RBFOX1: variants seen among roughly 807,000 people sequenced by gnomAD.
RBFOX1 encodes RNA binding fox-1 homolog 1.
RBFOX1 carries 8 observed loss-of-function variants against 57.7 expected under a neutral mutation model. That is an observed-to-expected ratio of 0.14 (90% confidence interval 0.08 to 0.25). RBFOX1 has a LOEUF of 0.25. RBFOX1 is among the 10% of genes least tolerant of loss of function. The pLI is 1.00. For missense variants in RBFOX1, 611 were observed against 548.5 expected (o/e 1.11, Z -1.14); for synonymous variants, 326 against 222.4 (o/e 1.47, Z -4.15).
At chr16:6,197,983 T>G (rs1370346466) in intron 1 of RBFOX1, among the ~76,000 whole-genome samples, 1 of 152,222 alleles carries the variant, frequency 6.6e-6, no homozygotes, top group Non-Finnish European at 1.5e-5. Flanking sequence ...ATGCTTTCAT[T>G]TGTGGCTTTT....
At chr16:6,762,693 A>G (rs767038850) in intron 3 of RBFOX1, among the ~76,000 whole-genome samples, 1 of 152,182 alleles carries the variant, frequency 6.6e-6, no homozygotes, top group Non-Finnish European at 1.5e-5. Flanking sequence ...TTTGGGCCCC[A>G]GTGATTTGCT....
At chr16:7,158,279 G>T (rs896808853) in intron 4 of RBFOX1, among the ~76,000 whole-genome samples, 1 of 152,124 alleles carries the variant, frequency 6.6e-6, no homozygotes, top group Non-Finnish European at 1.5e-5. Context: ...CTGGAAGGCG[G>T]AGGTTGCAGT....
chr16:5,688,777 C>T (rs2050580038), intron 3 of RBFOX1, among the ~76,000 whole-genome samples: 1 of 152,210 alleles, frequency 6.6e-6, no homozygotes, highest in African/African-American at 2.4e-5. Context: ...AATGTCAGGG[C>T]ATTCCAAGTA....
intron 3 of RBFOX1, among the ~76,000 whole-genome samples, chr16:6,683,915 A>G (rs57920607): frequency 2.6e-5 from 4 of 152,190 alleles, no homozygotes; most frequent in South Asian, 2.1e-4. Flanking sequence ...GGGAGATCGC[A>G]TATGTGAAAA....
At chr16:5,402,211 C>T (rs1423255935) in intron 1 of RBFOX1, among the ~76,000 whole-genome samples, 2 of 152,118 alleles carry the variant, frequency 1.3e-5, no homozygotes, top group East Asian at 3.9e-4. Context: ...TTGGCTAAGA[C>T]ACCCCAGCGT....
At chr16:6,368,570 C>T (rs555416399) in intron 2 of RBFOX1, among the ~76,000 whole-genome samples, 6 of 152,212 alleles carry the variant, frequency 3.9e-5, no homozygotes, top group Non-Finnish European at 7.3e-5. Context: ...AATTCTTCTG[C>T]TCTATGATCT....
At chr16:7,586,804 G>T (rs535767959) in intron 6 of RBFOX1, among the ~76,000 whole-genome samples, 1 of 152,280 alleles carries the variant, frequency 6.6e-6, no homozygotes, top group East Asian at 1.9e-4. Context: ...GCTGCTCCTA[G>T]ATTTTATGTG....
intron 4 of RBFOX1, among the ~76,000 whole-genome samples, chr16:7,238,327 T>TAA (rs71147675): frequency 6.9e-5 from 9 of 131,230 alleles, no homozygotes; most frequent in African/African-American, 3.2e-4. Flanking sequence ...CTTAAAATGG[T>TAA]AAAAAAAAAA....
chr16:7,141,938 T>C (rs2073891478), intron 4 of RBFOX1, among the ~76,000 whole-genome samples: 1 of 152,158 alleles, frequency 6.6e-6, no homozygotes, highest in South Asian at 2.1e-4. Flanking sequence ...CCCCTTAAGA[T>C]GTTTCAGCGG....
At chr16:6,353,991 C>T (rs185043812) in intron 2 of RBFOX1, among the ~76,000 whole-genome samples, 207 of 152,142 alleles carry the variant, frequency 1.4e-3, no homozygotes, top group African/African-American at 4.8e-3. Flanking sequence ...ACGCCAAGGC[C>T]GGTGGATCAC....
chr16:7,161,735 C>G (rs955443939), intron 4 of RBFOX1, among the ~76,000 whole-genome samples: 1 of 152,152 alleles, frequency 6.6e-6, no homozygotes, highest in African/African-American at 2.4e-5. Context: ...TCCTTTATGA[C>G]TCATCTTTCT....
chr16:5,510,265 G>T (rs1051565062), intron 2 of RBFOX1, among the ~76,000 whole-genome samples: 1 of 152,192 alleles, frequency 6.6e-6, no homozygotes, highest in African/African-American at 2.4e-5. Flanking sequence ...ATTGTCACAG[G>T]TGCAGCTGTG....
chr16:7,624,878 G>A (rs760789513), intron 10 of RBFOX1, among the ~76,000 whole-genome samples: 2 of 152,150 alleles, frequency 1.3e-5, no homozygotes, highest in Non-Finnish European at 2.9e-5. Context: ...GTTTTGCGCC[G>A]ATTGGATTAA....
Position 6,780,103 on chromosome 16 carries a change from A to ATATATTTATT in RBFOX1, c.-16+125462_-16+125463insTTATATTTAT, listed in dbSNP as rs1567212908. ...TATTTATATATATTTATATATTTTT[A>ATATATTTATT]TATATTTATATATATTTATATATAT... On this transcript the variant is annotated intron_variant, in intron 3 of 15. Transcript: ENST00000550418. Among the ~76,000 whole-genome samples the ATATATTTATT allele has an allele frequency of 1.5e-4, 7 of 45,874 alleles. 3 individuals are homozygous for ATATATTTATT. Among genetic ancestry groups the ATATATTTATT allele is most frequent in the African/African-American group, 9.1e-4 (7 of 7,714 alleles). 30.1% of individuals were successfully genotyped at this position (45,874 alleles called of 152,430 possible). A position where few individuals can be genotyped will look rare whatever the true frequency, so the allele number is the denominator to read the frequency against.
At chr16:6,168,267 G>C (rs562868219) in intron 1 of RBFOX1, among the ~76,000 whole-genome samples, 1 of 152,316 alleles carries the variant, frequency 6.6e-6, no homozygotes, top group Admixed American at 6.5e-5. Context: ...ATCGTGCATG[G>C]TGCGGAGGGT....
intron 3 of RBFOX1, among the ~76,000 whole-genome samples, chr16:6,696,007 C>T (rs2060987463): frequency 6.6e-6 from 1 of 152,180 alleles, no homozygotes; most frequent in African/African-American, 2.4e-5. Context: ...CTGATTTCTA[C>T]AGCGTATCCA....
intron 4 of RBFOX1, among the ~76,000 whole-genome samples, chr16:5,961,611 C>G (rs2059750934): frequency 6.6e-6 from 1 of 152,114 alleles, no homozygotes; most frequent in Admixed American, 6.6e-5. Flanking sequence ...CCTCAACCTC[C>G]CCAGTTCAAA....
chr16:6,590,956 C>T (rs969616330), intron 2 of RBFOX1, among the ~76,000 whole-genome samples: 6 of 152,056 alleles, frequency 3.9e-5, no homozygotes, highest in Admixed American at 2.6e-4. Context: ...AGTCACACTG[C>T]GAGAGTCCCA....
intron 1 of RBFOX1, among the ~76,000 whole-genome samples, chr16:6,071,829 C>T (rs2095841540): frequency 6.6e-6 from 1 of 152,186 alleles, no homozygotes. Flanking sequence ...TAAGTAGAAT[C>T]ATGCAATGTT....
Sources: allele counts gnomAD v4.1 joint callset (sites outside exome capture counted in the v4.1 genomes callset), GRCh38; gene constraint gnomAD v4.1.1; transcripts MANE v1.5; gene names NCBI Gene and HGNC (gene_info 2026-07-23, HGNC 2026-07-21).